Variants in CHSY3 observed in about 807,000 individuals in gnomAD.
The protein encoded by CHSY3 is chondroitin sulfate synthase 3, also known as N-acetylgalactosaminyl-proteoglycan 3-beta-glucuronosyltransferase 3.
CHSY3 carries 35 observed loss-of-function variants against 67.2 expected under a neutral mutation model. The ratio of observed to expected loss-of-function variants is 0.52; its 90% confidence interval spans 0.40 to 0.69. The LOEUF is 0.69. CHSY3 is among the 30% of genes least tolerant of loss of function. The pLI, the probability that CHSY3 is intolerant of heterozygous loss-of-function variation, is 0.00. For synonymous variants in CHSY3, 474 were observed against 434.7 expected (o/e 1.09, Z -1.12); for missense variants, 1,069 against 1,138.5 (o/e 0.94, Z 0.88).
At chr5:129,944,900 G>A (rs1162632331) in intron 2 of CHSY3, among the ~76,000 whole-genome samples, 1 of 152,080 alleles carries the variant, frequency 6.6e-6, no homozygotes, top group Admixed American at 6.6e-5. Context: ...TAGTAGCTTA[G>A]ACAAACAAAA....
At chr5:129,976,078 A>T (rs1762799472) in intron 2 of CHSY3, among the ~76,000 whole-genome samples, 1 of 152,202 alleles carries the variant, frequency 6.6e-6, no homozygotes, top group African/African-American at 2.4e-5. Context: ...AGTTTTATTC[A>T]AGAAGATCAG....
chr5:130,117,934 C>T (rs998266904), intron 2 of CHSY3, among the ~76,000 whole-genome samples: 14 of 152,088 alleles, frequency 9.2e-5, no homozygotes, highest in African/African-American at 2.9e-4. Context: ...GGGATTGGAC[C>T]ATGGAGGCAG....
chr5:130,058,843 A>C (rs1046158714), intron 2 of CHSY3, among the ~76,000 whole-genome samples: 1 of 152,146 alleles, frequency 6.6e-6, no homozygotes, highest in African/African-American at 2.4e-5. Context: ...CCAGGGGAGA[A>C]TTCATTCTTT....
chr5:130,136,484 A>C (rs1461654130), intron 2 of CHSY3, among the ~76,000 whole-genome samples: 1 of 152,154 alleles, frequency 6.6e-6, no homozygotes, highest in Admixed American at 6.6e-5. Flanking sequence ...CAGCAGATGG[A>C]GTTGAGAAAG....
intron 2 of CHSY3, among the ~76,000 whole-genome samples, chr5:130,111,375 T>C (rs1767587988): frequency 6.6e-6 from 1 of 152,108 alleles, no homozygotes. Context: ...TTTATGACCC[T>C]GAATATATAT....
At chr5:130,087,446 A>G (rs1766687391) in intron 2 of CHSY3, among the ~76,000 whole-genome samples, 1 of 152,110 alleles carries the variant, frequency 6.6e-6, no homozygotes, top group South Asian at 2.1e-4. Flanking sequence ...TGCAGATGAC[A>G]TGATTGTATA....
intron 2 of CHSY3, among the ~76,000 whole-genome samples, chr5:130,061,358 T>C (rs762755661): frequency 1.7e-4 from 26 of 152,004 alleles, no homozygotes; most frequent in Non-Finnish European, 1.9e-4. Context: ...AGGCCAGCAA[T>C]ATGCAGAGGA....
intron 2 of CHSY3, among the ~76,000 whole-genome samples, chr5:130,125,037 T>C (rs1254708756): frequency 6.6e-6 from 1 of 152,160 alleles, no homozygotes; most frequent in Non-Finnish European, 1.5e-5. Flanking sequence ...TCCCAAGCCT[T>C]TGAGAGGCCG....
At chr5:130,107,471 A>G (rs994733015) in intron 2 of CHSY3, among the ~76,000 whole-genome samples, 3 of 151,328 alleles carry the variant, frequency 2.0e-5, no homozygotes, top group African/African-American at 7.3e-5. Context: ...TCGTCTATAT[A>G]TATACTTTTT....
At chr5:129,932,764 T>C (rs1014161091) in intron 2 of CHSY3, among the ~76,000 whole-genome samples, 1 of 152,172 alleles carries the variant, frequency 6.6e-6, no homozygotes, top group African/African-American at 2.4e-5. Context: ...AGTCTTTTTT[T>C]TTTAAAGGCA....
intron 2 of CHSY3, among the ~76,000 whole-genome samples, chr5:130,088,700 A>G (rs1434931709): frequency 6.6e-6 from 1 of 152,168 alleles, no homozygotes; most frequent in Non-Finnish European, 1.5e-5. Flanking sequence ...TAGAATGGCA[A>G]TCATTAAAAA....
intron 2 of CHSY3, among the ~76,000 whole-genome samples, chr5:129,972,601 C>CAGTGTGTGTGTGTGTGTA (rs1436483536): frequency 2.2e-4 from 33 of 151,462 alleles, no homozygotes; most frequent in African/African-American, 8.0e-4. Context: ...CTGATCTCTG[C>CAGTGTGTGTGTGTGTGTA]AGTGTGTGTG....
At chr5:130,115,103 G>A (rs1317261785) in intron 2 of CHSY3, among the ~76,000 whole-genome samples, 1 of 151,648 alleles carries the variant, frequency 6.6e-6, no homozygotes, top group Non-Finnish European at 1.5e-5. Context: ...TTTATTGTAG[G>A]TAATTTTATT....
chr5:130,141,891 T>A (rs752987875), intron 2 of CHSY3: 4 of 246,434 alleles, frequency 1.6e-5, no homozygotes, highest in Non-Finnish European at 2.4e-5. Flanking sequence ...GGGGATTCCC[T>A]GATGGTGGAG....
At chr5:130,154,619 T>C (rs1769320963) in intron 2 of CHSY3, among the ~76,000 whole-genome samples, 1 of 152,218 alleles carries the variant, frequency 6.6e-6, no homozygotes, top group Non-Finnish European at 1.5e-5. Flanking sequence ...AGAGTGTGTC[T>C]TCTTCAATTC....
intron 2 of CHSY3, among the ~76,000 whole-genome samples, chr5:129,970,504 G>A (rs1762610960): frequency 6.6e-6 from 1 of 151,472 alleles, no homozygotes; most frequent in African/African-American, 2.4e-5. Context: ...CTTAAATGAA[G>A]GGCTAGCATG....
In CHSY3 at chr5:130,076,889, T is replaced by C. The variant is rs948017939; in HGVS notation, c.1087-107340T>C. Among the ~76,000 whole-genome samples the C allele has an allele frequency of 2.7e-4, 40 of 146,688 alleles. 1 individual carries two copies. The highest frequency in any genetic ancestry group is 8.6e-4 in the African/African-American group (34 of 39,588). ...GCATATTCTCACTCATAGGTGGGAA[T>C]TGAACAATGAGAACACATGGACACA... On this transcript the variant is annotated intron_variant, in intron 2 of 2. Transcript: ENST00000305031.
chr5:130,051,669 A>G (rs189767065), intron 2 of CHSY3, among the ~76,000 whole-genome samples: 114 of 152,232 alleles, frequency 7.5e-4, no homozygotes, highest in African/African-American at 2.6e-3. Flanking sequence ...GGAAAGGAAA[A>G]AAACTTATGG....
intron 2 of CHSY3, among the ~76,000 whole-genome samples, chr5:129,918,188 T>C (rs1760795941): frequency 6.6e-6 from 1 of 152,194 alleles, no homozygotes; most frequent in Non-Finnish European, 1.5e-5. Flanking sequence ...TAATTACCCT[T>C]TTCTTAAAAA....
Sources: gnomAD v4.1 joint callset for allele counts (sites outside exome capture counted in the v4.1 genomes callset) on GRCh38, gnomAD v4.1.1 for gene constraint, MANE v1.5 for transcripts, NCBI Gene and HGNC (gene_info 2026-07-23, HGNC 2026-07-21) for gene names.